GRIK2: variants seen among roughly 807,000 people sequenced by gnomAD.
GRIK2 encodes the protein glutamate receptor ionotropic, kainate 2.
A neutral mutation model predicts 100.3 loss-of-function variants in GRIK2; 32 were observed. The observed-to-expected ratio is 0.32, with a 90% CI of 0.24 to 0.43. GRIK2 has a LOEUF of 0.43. GRIK2 is among the 20% of genes least tolerant of loss of function. GRIK2 has a pLI of 1.00. For missense variants in GRIK2, 843 were observed against 1,114.9 expected (o/e 0.76, Z 3.47); for synonymous variants, 417 against 389.4 (o/e 1.07, Z -0.83).
chr6:101,915,003 C>G (rs1051851349), intron 12 of GRIK2, among the ~76,000 whole-genome samples: 19 of 151,360 alleles, frequency 1.3e-4, no homozygotes, highest in African/African-American at 4.6e-4. Context: ...GCATTATAGC[C>G]TTAACTAACA....
chr6:101,873,629 T>C (rs1785588623), intron 11 of GRIK2, among the ~76,000 whole-genome samples: 2 of 151,988 alleles, frequency 1.3e-5, no homozygotes, highest in Admixed American at 6.6e-5. Flanking sequence ...GATGGCTGGG[T>C]CAAATGGTAT....
intron 10 of GRIK2, among the ~76,000 whole-genome samples, chr6:101,846,050 C>A (rs1783793416): frequency 6.6e-6 from 1 of 151,364 alleles, no homozygotes; most frequent in East Asian, 1.9e-4. Context: ...TTTATATATT[C>A]TGAATAGTAG....
chr6:101,744,419 A>T (rs1004687883), intron 7 of GRIK2, among the ~76,000 whole-genome samples: 1 of 150,332 alleles, frequency 6.7e-6, no homozygotes, highest in Non-Finnish European at 1.5e-5. Flanking sequence ...ATGGTCTCCA[A>T]TTCCACGATT....
chr6:101,749,799 GT>G (rs1396280522), intron 7 of GRIK2, among the ~76,000 whole-genome samples: 4 of 130,628 alleles, frequency 3.1e-5, no homozygotes, highest in African/African-American at 1.2e-4. Context: ...GTGTGTGCCA[GT>G]TTCTTTTTTT....
chr6:101,456,636 A>G (rs1377474997), intron 2 of GRIK2, among the ~76,000 whole-genome samples: 2 of 151,888 alleles, frequency 1.3e-5, no homozygotes. Context: ...TCAAATGTGT[A>G]TTTGGTATAT....
intron 14 of GRIK2, among the ~76,000 whole-genome samples, chr6:102,003,261 TA>T (rs1338100330): frequency 3.3e-5 from 5 of 151,644 alleles, no homozygotes; most frequent in African/African-American, 9.7e-5. Context: ...ATATATGGGA[TA>T]AATGGAATTG....
chr6:101,554,136 G>A (rs1199816573), intron 2 of GRIK2, among the ~76,000 whole-genome samples: 5 of 152,092 alleles, frequency 3.3e-5, no homozygotes, highest in East Asian at 1.9e-4. Flanking sequence ...AACAGAATTA[G>A]CAAAGTTATG....
intron 2 of GRIK2, among the ~76,000 whole-genome samples, chr6:101,573,063 C>T (rs990666220): frequency 3.3e-5 from 5 of 151,814 alleles, no homozygotes; most frequent in African/African-American, 1.2e-4. Context: ...CCAGGCCGGT[C>T]TCAAACTCCT....
At chr6:101,406,345 T>C (rs1317884646) in intron 2 of GRIK2, among the ~76,000 whole-genome samples, 1 of 152,210 alleles carries the variant, frequency 6.6e-6, no homozygotes, top group African/African-American at 2.4e-5. Context: ...AAACTCTTTA[T>C]TTTCTTAGCT....
chr6:101,797,297 T>A (rs1027060712), intron 7 of GRIK2, among the ~76,000 whole-genome samples: 1 of 151,954 alleles, frequency 6.6e-6, no homozygotes, highest in African/African-American at 2.4e-5. Context: ...AGTTAAACAT[T>A]ATTATTTTAT....
chr6:101,740,034 T>G (rs943552479), intron 7 of GRIK2, among the ~76,000 whole-genome samples: 4 of 152,214 alleles, frequency 2.6e-5, no homozygotes, highest in African/African-American at 9.6e-5. Context: ...GAATCAACTT[T>G]GCTCTCTGGG....
chr6:101,510,514 T>TTTG (rs1562190532), intron 2 of GRIK2, among the ~76,000 whole-genome samples: 1 of 25,602 alleles, frequency 3.9e-5, no homozygotes. Flanking sequence ...TGGGGAGTTT[T>TTTG]TTTTTTTTTT....
intron 2 of GRIK2, among the ~76,000 whole-genome samples, chr6:101,428,139 G>C (rs758747453): frequency 6.6e-6 from 1 of 152,034 alleles, no homozygotes; most frequent in Non-Finnish European, 1.5e-5. Flanking sequence ...TGTTTCATGT[G>C]AACCAGACCA....
In GRIK2 at chr6:101,515,494, G is replaced by A. The variant is rs534736723; in HGVS notation, c.116-106455G>A. On this transcript the variant is annotated intron_variant, in intron 2 of 16. Coordinates refer to ENST00000369134, the MANE Select transcript of GRIK2 (RefSeq NM_021956.5). ...TTAGTTCTTTAAGGAAGCTCCACAC[G>A]GTTTTCTATAGTGGCTGTACTAGTT... Among the ~76,000 whole-genome samples the A allele has an allele frequency of 5.3e-5, 8 of 152,132 alleles. No individual in the cohort carries two copies. In the South Asian group the frequency reaches 8.3e-4, roughly 16 times the overall value.
chr6:101,969,035 C>T (rs2128485243), intron 14 of GRIK2, among the ~76,000 whole-genome samples: 1 of 152,006 alleles, frequency 6.6e-6, no homozygotes, highest in East Asian at 1.9e-4. Context: ...ACTATATAAA[C>T]ATTTTGAATT....
intron 2 of GRIK2, among the ~76,000 whole-genome samples, chr6:101,448,036 TG>T (rs1770474136): frequency 1.3e-5 from 2 of 151,704 alleles, no homozygotes. Flanking sequence ...TGAATTAACA[TG>T]TAGGCAGCCA....
intron 2 of GRIK2, among the ~76,000 whole-genome samples, chr6:101,495,507 A>G (rs1773397725): frequency 6.6e-6 from 1 of 152,130 alleles, no homozygotes; most frequent in Admixed American, 6.5e-5. Flanking sequence ...CTCCGTCTCA[A>G]AATAAGTAAA....
chr6:101,455,590 T>A (rs984820827), intron 2 of GRIK2, among the ~76,000 whole-genome samples: 2 of 148,726 alleles, frequency 1.3e-5, no homozygotes, highest in Non-Finnish European at 3.0e-5. Context: ...CAAGTTAATT[T>A]AAAAAAAAAA....
At position 101,859,353 on chromosome 6, in the gene GRIK2, T is replaced by C; in HGVS notation, c.1384T>C (p.Tyr462His). The change falls in exon 11 of 17, where the codon TAT (tyrosine) becomes CAT (histidine). Residue 462 changes from tyrosine to histidine, a missense_variant. Tyr to His is a moderately conservative substitution (Grantham distance 83, BLOSUM62 2). Transcript: ENST00000369134. ...CTATGGTAATGATCGATTTGAAGGC[T>C]ATTGCATTGATCTCCTCAGAGAGTT... The part of the protein sequence containing the change: ...PLYGNDRFEG[Y>H]CIDLLRELST... 1 of 1,603,426 alleles carries C rather than the reference T, an allele frequency of 6.2e-7. No homozygotes were observed. The highest frequency in any genetic ancestry group is 2.2e-5 in the East Asian group (1 of 44,756).
Sources: allele counts gnomAD v4.1 joint callset (sites outside exome capture counted in the v4.1 genomes callset), GRCh38; gene constraint gnomAD v4.1.1; transcripts MANE v1.5; gene names NCBI Gene and HGNC (gene_info 2026-07-23, HGNC 2026-07-21).